NDOR1: variants seen among roughly 807,000 people sequenced by gnomAD.
NDOR1 encodes NADPH-dependent diflavin oxidoreductase 1.
NDOR1 carries 61 observed loss-of-function variants against 67.2 expected under a neutral mutation model. The observed-to-expected ratio is 0.91, with a 90% CI of 0.74 to 1.12. The LOEUF (loss-of-function observed/expected upper bound fraction) is 1.12, where lower values mean the gene tolerates loss of function less well. Among genes scored for constraint, NDOR1 ranks in the 50% most tolerant of loss-of-function variants. The pLI is 0.00. For missense variants in NDOR1, 878 were observed against 802.8 expected, an observed-to-expected ratio of 1.09 and a Z score of -1.13; for synonymous variants, 378 against 343.7, an observed-to-expected ratio of 1.10 and a Z score of -1.10.
chr9:137,213,037 T>TAGACCCCACAC (rs2131371833), intron 3 of NDOR1, among the ~76,000 whole-genome samples: 1 of 152,300 alleles, frequency 6.6e-6, no homozygotes, highest in African/African-American at 2.4e-5. Context: ...ATGGCATCTT[T>TAGACCCCACAC]AGACCCCACA....
chr9:137,215,093 A>G lies in NDOR1; in HGVS notation c.1066-2A>G. 1 of 1,613,778 alleles carries G rather than the reference A, an allele frequency of 6.2e-7. No individual in the cohort carries two copies. The highest frequency in any genetic ancestry group is 8.5e-7 in the Non-Finnish European group (1 of 1,179,964). On this transcript the variant is annotated splice_acceptor_variant, in intron 8 of 13. Transcript: ENST00000684003. LOFTEE classifies it high-confidence loss of function. ...AGCCACCCTGAGACTCTCTTTGCCT[A>G]GGTGCTCTGTGACTTCCCGCACACA...
At position 137,212,814 on chromosome 9, in the gene NDOR1, G is replaced by T; in HGVS notation, c.311+215G>T. The T allele has an allele frequency of 3.6e-6, 2 of 559,192 alleles. 1 individual carries two copies. Among genetic ancestry groups the T allele is most frequent in the South Asian group, 4.4e-5 (2 of 45,900 alleles). The allele number at this position is 559,192 out of a possible 1,614,324, so 34.6% of individuals were successfully genotyped here. A position where few individuals can be genotyped will look rare whatever the true frequency, so the allele number is the denominator to read the frequency against. ...AGGGGAGCAGGCAGGGTGGCAAAGG[G>T]CTGGGCTCCAGCCACGCTGACGTCA... On this transcript the variant is annotated intron_variant, in intron 3 of 13. Transcript: ENST00000684003. The surrounding 1 kb of genome is among the most constrained non-coding windows in gnomAD (Gnocchi z 4.3).
rs1374303931 is a variant in NDOR1 at position 137,213,709 on chromosome 9, G to A, written c.312-71G>A. 12 of 1,471,030 alleles carry A rather than the reference G, an allele frequency of 8.2e-6. No homozygotes were observed. In the Admixed American group the frequency reaches 1.1e-4, roughly 13 times the overall value. The allele number at this position is 1,471,030 out of a possible 1,614,324, so 91.1% of individuals were successfully genotyped here. On this transcript the variant is annotated intron_variant, in intron 3 of 13. Transcript: ENST00000684003. ...CTCTTCGCCCGGGCTCCACTCTCCC[G>A]GGTTCCACTCTGCCTGGGCACCACT...
At position 137,214,334 on chromosome 9, in the gene NDOR1, T is replaced by A. The variant is rs752971234; in HGVS notation, c.643T>A (p.Ser215Thr). 6 of 1,614,074 alleles carry A rather than the reference T, an allele frequency of 3.7e-6. No homozygotes were observed. The highest frequency in any genetic ancestry group is 1.6e-4 in the Middle Eastern group (1 of 6,062). ...GAAGCCCTTCCTAGCACCCATGATC[T>A]CCAACCAGAGAGTCACCGGCCCCTC... is the stretch of plus-strand genomic sequence containing the variant. Reference protein sequence around the residue: ...ESKPFLAPMISNQRVTGPSHF... With the variant: ...ESKPFLAPMITNQRVTGPSHF... Residue 215 changes from serine (S) to threonine (T), a missense_variant, in exon 6 of 14, where the codon TCC (serine) becomes ACC (threonine). Coordinates refer to ENST00000684003, the MANE Select transcript of NDOR1 (RefSeq NM_014434.4).
rs568939458 is a variant in NDOR1 at position 137,212,054 on chromosome 9, A to G, written c.214-448A>G. ...CCTTGGGATGGACCTCAGAGGTCTG[A>G]GTATAGGAGCCTCTGGGACAGACCA... On this transcript the variant is annotated intron_variant, in intron 2 of 13. Transcript: ENST00000684003. The surrounding 1 kb of genome is among the most constrained non-coding windows in gnomAD (Gnocchi z 4.3). 9.6e-4 allele frequency among the ~76,000 whole-genome samples: 146 copies of G among 152,196 alleles called. No individual in the cohort carries two copies. Among genetic ancestry groups the G allele is most frequent in the African/African-American group, 3.4e-3 (142 of 41,520 alleles).
intron 5 of NDOR1, 22 bp from the exon 6 acceptor site, chr9:137,214,182 T>C: frequency 6.3e-7 from 1 of 1,598,534 alleles, no homozygotes; most frequent in Non-Finnish European, 8.5e-7. Context: ...GGTCCTGGTC[T>C]GACCAGCGTG....
chr9:137,208,697 G>A (rs1835101396), intron 2 of NDOR1, among the ~76,000 whole-genome samples: 1 of 151,904 alleles, frequency 6.6e-6, no homozygotes, highest in Non-Finnish European at 1.5e-5. Flanking sequence ...AGTGGCTCAT[G>A]CCTGTGATCA....
In NDOR1 at chr9:137,218,437, C is replaced by G. The variant is rs1256351283; in HGVS notation, c.*2021C>G. ...GCCTGCCCTTCCTGCCCTGTCCACC[C>G]TGCCTGGGTGCCCGGCTCTGGACCC... On this transcript the variant is annotated 3_prime_UTR_variant, in exon 14 of 14. Coordinates refer to ENST00000684003, the MANE Select transcript of NDOR1 (RefSeq NM_014434.4). The G allele has an allele frequency of 2.5e-6, 1 of 398,346 alleles. No homozygotes were observed. 24.7% of individuals were successfully genotyped at this position (398,346 alleles called of 1,614,324 possible). A position where few individuals can be genotyped will look rare whatever the true frequency, so the allele number is the denominator to read the frequency against.
At position 137,219,146 on chromosome 9, in the gene NDOR1, G is replaced by C. The variant is rs896227281; in HGVS notation, c.*2730G>C. ...TGCTGCGAAAATTCAGCCTGCAAAG[G>C]CTCCTCTCCCCACTTGATCAGGCCC... On this transcript the variant is annotated 3_prime_UTR_variant, in exon 14 of 14. Transcript: ENST00000684003. 6.6e-6 allele frequency: 1 copy of C among 152,658 alleles called. No homozygotes were observed. The highest frequency in any genetic ancestry group is 1.5e-5 in the Non-Finnish European group (1 of 68,338). 9.5% of individuals were successfully genotyped at this position (152,658 alleles called of 1,614,324 possible). A position where few individuals can be genotyped will look rare whatever the true frequency, so the allele number is the denominator to read the frequency against.
chr9:137,218,777 A>G lies in NDOR1; in HGVS notation c.*2361A>G. ...GCTGAACCCACAACCAGGGCTACCC[A>G]GAGGCCTGACCCTGCCAGAGTCCAT... On this transcript the variant is annotated 3_prime_UTR_variant, in exon 14 of 14. Transcript: ENST00000684003. 1 of 397,060 alleles carries G rather than the reference A, an allele frequency of 2.5e-6. No individual in the cohort carries two copies. The highest frequency in any genetic ancestry group is 4.4e-6 in the Non-Finnish European group (1 of 225,584). The allele number at this position is 397,060 out of a possible 1,614,324, so 24.6% of individuals were successfully genotyped here.
chr9:137,206,605 G>A (rs1480901677), intron 2 of NDOR1, among the ~76,000 whole-genome samples: 2 of 152,178 alleles, frequency 1.3e-5, no homozygotes, highest in Non-Finnish European at 2.9e-5. Flanking sequence ...GACCCTCAGG[G>A]AACGTTGCTG....
intron 2 of NDOR1, among the ~76,000 whole-genome samples, chr9:137,210,223 T>C (rs1835185326): frequency 6.6e-6 from 1 of 152,108 alleles, no homozygotes; most frequent in African/African-American, 2.4e-5. Flanking sequence ...TCTTTCTCTT[T>C]TTCTTTTTCT....
intron 1 of NDOR1, 103 bp downstream of exon 1, chr9:137,206,015 G>T: frequency 1.3e-6 from 2 of 1,489,232 alleles, no homozygotes; most frequent in Non-Finnish European, 1.8e-6. Flanking sequence ...CTGAGAGCGG[G>T]TCTTTCCCTT....
chr9:137,213,755 A>C lies in NDOR1; in HGVS notation c.312-25A>C. 3 of 1,608,010 alleles carry C rather than the reference A, an allele frequency of 1.9e-6. No homozygotes were observed. The South Asian group carries it at 3.3e-5, about 18-fold the overall frequency. The stretch of plus-strand genomic sequence containing the variant: ...CCACTCTCCGCCCGGGCTCCAGCCC[A>C]GGACCAGCCTCACTGTCTCCACAGG... On this transcript the variant is annotated intron_variant, in intron 3 of 13. Coordinates refer to ENST00000684003, the MANE Select transcript of NDOR1 (RefSeq NM_014434.4).
In NDOR1 at chr9:137,206,296, C is replaced by G; in HGVS notation, c.200C>G (p.Pro67Arg). 1.2e-6 allele frequency: 2 copies of G among 1,613,996 alleles called. No individual in the cohort carries two copies. The highest frequency in any genetic ancestry group is 1.7e-6 in the Non-Finnish European group (2 of 1,179,988). ...GCAACTACAGGCCAAGGAGACCCCC[C>G]TGACAACATGAAGGTAAGGCTGGCC... The part of the protein sequence containing the change: ...VCATTGQGDP[P>R]DNMKNFWRFI... Residue 67 changes from proline (P) to arginine (R), a missense_variant, in exon 2 of 14, where the codon CCT (proline) becomes CGT (arginine). Coordinates refer to ENST00000684003, the MANE Select transcript of NDOR1 (RefSeq NM_014434.4).
rs751302579 is a variant in NDOR1 at position 137,216,169 on chromosome 9, G to A, written c.1630G>A (p.Ala544Thr). ...GTGGGAACTGCTGGACCGCCAGGGT[G>A]CATACTTCTACCTGGCAGGGTGAGC... is the stretch of plus-strand genomic sequence containing the variant. ...LVWELLDRQG[A>T]YFYLAGNAKS... The change falls in exon 13 of 14, where the codon GCA becomes ACA. Residue 544 changes from alanine to threonine, a missense_variant. By Grantham distance (58) the Ala-to-Thr change is moderately conservative. Transcript: ENST00000684003. The A allele has an allele frequency of 2.5e-6, 4 of 1,613,532 alleles. No homozygotes were observed. The highest frequency in any genetic ancestry group is 2.2e-5 in the East Asian group (1 of 44,886).
In NDOR1 at chr9:137,217,769, T is replaced by TCCTATCCTGACTCCTGCCCC. The variant is rs1835697522; in HGVS notation, c.*1354_*1373dup. The TCCTATCCTGACTCCTGCCCC allele has an allele frequency of 2.7e-6, 1 of 375,284 alleles. No individual in the cohort carries two copies. The highest frequency in any genetic ancestry group is 4.6e-6 in the Non-Finnish European group (1 of 218,274). 23.2% of individuals were successfully genotyped at this position (375,284 alleles called of 1,614,324 possible). Reference sequence around the variant, plus strand: ...TGTCGCCGCCCTGGGGTCCCTGTCCTCCTATCCTGACTCCTGCCCCAGGGC... The same window carrying TCCTATCCTGACTCCTGCCCC: ...TGTCGCCGCCCTGGGGTCCCTGTCCTCCTATCCTGACTCCTGCCCCCCTATCCTGACTCCTGCCCCAGGGC... On this transcript the variant is annotated 3_prime_UTR_variant, in exon 14 of 14. Coordinates refer to ENST00000684003, the MANE Select transcript of NDOR1 (RefSeq NM_014434.4).
In NDOR1 at chr9:137,205,765, C is replaced by A. The variant is rs940875541; in HGVS notation, c.-13C>A. 1 of 1,602,598 alleles carries A rather than the reference C, an allele frequency of 6.2e-7. No homozygotes were observed. The highest frequency in any genetic ancestry group is 8.5e-7 in the Non-Finnish European group (1 of 1,179,612). On this transcript the variant is annotated 5_prime_UTR_variant, in exon 1 of 14. Transcript: ENST00000684003. ...AGTTTTTAGTCTCAGACCAGACCAC[C>A]GGGCGCACCCCGATGCCGAGCCCGC...
chr9:137,216,776 C>A lies in NDOR1; in HGVS notation c.*360C>A. The stretch of plus-strand genomic sequence containing the variant: ...AGTGAGCACCAGGGGTGGCATAGGG[C>A]ACCCATGAGGCTGCGCTGCACTCCT... On this transcript the variant is annotated 3_prime_UTR_variant, in exon 14 of 14. Transcript: ENST00000684003. 3.1e-6 allele frequency: 1 copy of A among 325,730 alleles called. No individual in the cohort carries two copies. The allele number at this position is 325,730 out of a possible 1,614,324, so 20.2% of individuals were successfully genotyped here.
Sources: allele counts gnomAD v4.1 joint callset (sites outside exome capture counted in the v4.1 genomes callset), GRCh38; gene constraint gnomAD v4.1.1; non-coding constraint Gnocchi (gnomAD v3.1); transcripts MANE v1.5; gene names NCBI Gene and HGNC (gene_info 2026-07-23, HGNC 2026-07-21).